Variants in SGCZ observed in about 807,000 individuals in gnomAD.
The protein encoded by SGCZ is zeta-sarcoglycan.
SGCZ carries 40 observed loss-of-function variants against 41.3 expected under a neutral mutation model. The observed-to-expected ratio is 0.97, with a 90% CI of 0.75 to 1.26. The LOEUF (loss-of-function observed/expected upper bound fraction) is 1.26. SGCZ is among the 50% of genes most tolerant of loss of function. SGCZ has a pLI of 0.00. For synonymous variants in SGCZ, 206 were observed against 137.5 expected (o/e 1.50, Z -3.49); for missense variants, 552 against 369.8 (o/e 1.49, Z -4.04).
At chr8:14,590,354 T>C (rs535799881) in intron 1 of SGCZ, among the ~76,000 whole-genome samples, 2 of 151,940 alleles carry the variant, frequency 1.3e-5, no homozygotes, top group African/African-American at 4.8e-5. Flanking sequence ...TTTGGAAATA[T>C]CTGGAAGGAT....
intron 4 of SGCZ, among the ~76,000 whole-genome samples, chr8:14,175,098 T>C (rs1000247211): frequency 6.6e-6 from 1 of 152,130 alleles, no homozygotes; most frequent in Admixed American, 6.5e-5. Flanking sequence ...TGGGGTGGGT[T>C]GAGGGGCATA....
chr8:14,518,829 G>A (rs904913284), intron 2 of SGCZ, among the ~76,000 whole-genome samples: 1 of 150,526 alleles, frequency 6.6e-6, no homozygotes, highest in Non-Finnish European at 1.5e-5. Context: ...GGCCAAGGCA[G>A]GAGGATCACT....
chr8:14,470,038 T>C (rs1281301741), intron 2 of SGCZ, among the ~76,000 whole-genome samples: 1 of 152,154 alleles, frequency 6.6e-6, no homozygotes, highest in Non-Finnish European at 1.5e-5. Context: ...TCAGAAGTTC[T>C]AGATGTCTGG....
At chr8:14,825,652 G>C (rs1472175328) in intron 1 of SGCZ, among the ~76,000 whole-genome samples, 1 of 152,044 alleles carries the variant, frequency 6.6e-6, no homozygotes, top group Non-Finnish European at 1.5e-5. Flanking sequence ...TAGTACAACG[G>C]AACTTGCTTA....
chr8:14,957,969 CTAATT>C (rs942833907), intron 1 of SGCZ, among the ~76,000 whole-genome samples: 2 of 151,826 alleles, frequency 1.3e-5, no homozygotes, highest in African/African-American at 4.8e-5. Context: ...ATTTACCAAA[CTAATT>C]TAAAGTACTG....
intron 1 of SGCZ, among the ~76,000 whole-genome samples, chr8:14,848,850 GA>G (rs1221435869): frequency 6.6e-6 from 1 of 152,082 alleles, no homozygotes; most frequent in Non-Finnish European, 1.5e-5. Context: ...ATGGATATCA[GA>G]AAAACTGAAA....
chr8:14,599,380 A>G (rs751445012), intron 1 of SGCZ, among the ~76,000 whole-genome samples: 3 of 152,140 alleles, frequency 2.0e-5, no homozygotes, highest in Non-Finnish European at 4.4e-5. Context: ...ACTGAAATCA[A>G]ATTCTCTCAC....
At chr8:14,769,503 C>T (rs1313124809) in intron 1 of SGCZ, among the ~76,000 whole-genome samples, 1 of 152,134 alleles carries the variant, frequency 6.6e-6, no homozygotes, top group East Asian at 1.9e-4. Context: ...TAAAACACTT[C>T]AATGGCAGCC....
chr8:14,820,043 T>C (rs1802027161), intron 1 of SGCZ, among the ~76,000 whole-genome samples: 1 of 151,886 alleles, frequency 6.6e-6, no homozygotes, highest in Non-Finnish European at 1.5e-5. Context: ...TATAAATGAA[T>C]TAAATTGTCC....
At chr8:14,160,438 G>T (rs1804005399) in intron 5 of SGCZ, among the ~76,000 whole-genome samples, 1 of 152,092 alleles carries the variant, frequency 6.6e-6, no homozygotes, top group Non-Finnish European at 1.5e-5. Flanking sequence ...AAAGATAATT[G>T]AATTAAGTCA....
intron 1 of SGCZ, among the ~76,000 whole-genome samples, chr8:14,823,112 C>T (rs1802171082): frequency 7.0e-6 from 1 of 143,444 alleles, no homozygotes; most frequent in Non-Finnish European, 1.5e-5. Flanking sequence ...AACATGAAAC[C>T]GTGAAGCTAT....
rs74435630 is a variant in SGCZ at position 14,639,027 on chromosome 8, G to T, written c.40-84101C>A. 3.7e-4 allele frequency among the ~76,000 whole-genome samples: 53 copies of T among 143,660 alleles called. No homozygotes were observed. In the East Asian group the frequency reaches 0.011, roughly 31 times the overall value. 94.2% of individuals were successfully genotyped at this position (143,660 alleles called of 152,430 possible). On this transcript the variant is annotated intron_variant, in intron 1 of 7. Coordinates refer to ENST00000382080, the MANE Select transcript of SGCZ (RefSeq NM_139167.4). ...TGTATCTTTAGAAATAATACACTAA[G>T]AAACTGGAATCTTTTTTTTTTTTTT...
At chr8:15,175,803 T>G (rs1360295421) in intron 1 of SGCZ, among the ~76,000 whole-genome samples, 1 of 152,054 alleles carries the variant, frequency 6.6e-6, no homozygotes, top group Non-Finnish European at 1.5e-5. Context: ...CAGGCAGAAT[T>G]TAGGTAAATG....
intron 1 of SGCZ, among the ~76,000 whole-genome samples, chr8:14,700,551 C>T (rs1246409349): frequency 6.6e-6 from 1 of 151,722 alleles, no homozygotes; most frequent in Admixed American, 6.6e-5. Flanking sequence ...TACACCAGAC[C>T]TCAGTGACAC....
At position 14,803,543 on chromosome 8, in the gene SGCZ, C is replaced by G. The variant is rs775824754; in HGVS notation, c.40-248617G>C. On this transcript the variant is annotated intron_variant, in intron 1 of 7. Transcript: ENST00000382080. ...GATGGGCTTAAAAAACGGCGCACCACGAGATTATATCCCGCACCCGGCTCA... is the reference window on the plus strand; with the variant it reads ...GATGGGCTTAAAAAACGGCGCACCAGGAGATTATATCCCGCACCCGGCTCA... Among the ~76,000 whole-genome samples the G allele has an allele frequency of 5.7e-4, 86 of 151,262 alleles. 1 individual carries two copies. The highest frequency in any genetic ancestry group is 3.5e-3 in the Middle Eastern group (1 of 286).
chr8:14,614,445 G>C (rs1423317092), intron 1 of SGCZ, among the ~76,000 whole-genome samples: 1 of 151,816 alleles, frequency 6.6e-6, no homozygotes, highest in African/African-American at 2.4e-5. Flanking sequence ...GCATTAACAG[G>C]GTACACATGA....
chr8:14,754,592 T>C (rs1799599781), intron 1 of SGCZ, among the ~76,000 whole-genome samples: 2 of 152,198 alleles, frequency 1.3e-5, no homozygotes, highest in Non-Finnish European at 2.9e-5. Context: ...AATAAATAGC[T>C]GTAGAAGAAT....
At chr8:15,235,861 A>G (rs1321118436) in intron 1 of SGCZ, among the ~76,000 whole-genome samples, 3 of 152,202 alleles carry the variant, frequency 2.0e-5, no homozygotes, top group African/African-American at 4.8e-5. Context: ...ACAGATCACA[A>G]TCATTATCAT....
chr8:14,278,300 A>G (rs1800304519), intron 3 of SGCZ, among the ~76,000 whole-genome samples: 1 of 152,124 alleles, frequency 6.6e-6, no homozygotes, highest in South Asian at 2.1e-4. Flanking sequence ...ACATAAATAA[A>G]TTTGTGTACC....
Sources: allele counts gnomAD v4.1 joint callset (sites outside exome capture counted in the v4.1 genomes callset), GRCh38; gene constraint gnomAD v4.1.1; transcripts MANE v1.5; gene names NCBI Gene and HGNC (gene_info 2026-07-23, HGNC 2026-07-21).